SLC14A2: variants seen among roughly 807,000 people sequenced by gnomAD.
SLC14A2 encodes urea transporter 2.
In SLC14A2, 91 loss-of-function variants were observed where a neutral mutation model predicts 104.6. The observed-to-expected ratio is 0.87, with a 90% CI of 0.73 to 1.04. SLC14A2 has a LOEUF of 1.04. SLC14A2 is among the 50% of genes least tolerant of loss of function. The pLI, the probability that SLC14A2 is intolerant of heterozygous loss-of-function variation, is 0.00. For synonymous variants in SLC14A2, 476 were observed against 466.4 expected, an observed-to-expected ratio of 1.02 and a Z score of -0.27; for missense variants, 1,189 against 1,156.0, an observed-to-expected ratio of 1.03 and a Z score of -0.41.
At chr18:45,470,531 A>G (rs1482935216) in intron 1 of SLC14A2, among the ~76,000 whole-genome samples, 1 of 152,084 alleles carries the variant, frequency 6.6e-6, no homozygotes, top group Non-Finnish European at 1.5e-5. Context: ...ACTAACAGTT[A>G]TGGTTTGTTA....
At chr18:45,680,290 T>C (rs2046292922) in intron 19 of SLC14A2, among the ~76,000 whole-genome samples, 1 of 152,210 alleles carries the variant, frequency 6.6e-6, no homozygotes, top group African/African-American at 2.4e-5. Context: ...TTCCTGATCA[T>C]GGATGTTTAC....
chr18:45,288,937 C>T (rs202239582), intron 1 of SLC14A2, among the ~76,000 whole-genome samples: 3 of 152,316 alleles, frequency 2.0e-5, no homozygotes, highest in South Asian at 2.1e-4. Flanking sequence ...TCATGTTAAA[C>T]GTAAATGAAG....
upstream of SLC14A2, among the ~76,000 whole-genome samples, chr18:45,211,373 G>C (rs555405919): frequency 6.6e-6 from 1 of 152,190 alleles, no homozygotes; most frequent in East Asian, 1.9e-4. Context: ...AGACCAAACA[G>C]AAAACTGCAC....
chr18:45,406,616 C>T (rs1400040596), intron 1 of SLC14A2, among the ~76,000 whole-genome samples: 1 of 152,154 alleles, frequency 6.6e-6, no homozygotes, highest in Non-Finnish European at 1.5e-5. Context: ...GAAGCTATAG[C>T]TTTACCAAAC....
intron 1 of SLC14A2, among the ~76,000 whole-genome samples, chr18:45,229,673 T>TG (rs1173122400): frequency 6.6e-6 from 1 of 152,176 alleles, no homozygotes; most frequent in Non-Finnish European, 1.5e-5. Flanking sequence ...CAGCTCAAAC[T>TG]CTTCATCTTT....
At chr18:45,539,647 C>T (rs34954290) in intron 2 of SLC14A2, among the ~76,000 whole-genome samples, 31 of 152,236 alleles carry the variant, frequency 2.0e-4, no homozygotes, top group Non-Finnish European at 3.8e-4. Context: ...GCTGCCTCTT[C>T]CTGGGCCTGT....
intron 16 of SLC14A2, among the ~76,000 whole-genome samples, chr18:45,670,405 G>A (rs1210651823): frequency 6.6e-6 from 1 of 152,130 alleles, no homozygotes; most frequent in Non-Finnish European, 1.5e-5. Flanking sequence ...AACAAGGCAC[G>A]TTTTCTCCAA....
chr18:45,416,068 T>C (rs1468712124), intron 1 of SLC14A2, among the ~76,000 whole-genome samples: 3 of 152,148 alleles, frequency 2.0e-5, no homozygotes, highest in Non-Finnish European at 4.4e-5. Flanking sequence ...CCATAATGAT[T>C]ATCTTAAAAG....
intron 1 of SLC14A2, among the ~76,000 whole-genome samples, chr18:45,453,963 G>A (rs184084616): frequency 1.2e-4 from 18 of 146,626 alleles, no homozygotes; most frequent in South Asian, 4.4e-4. Context: ...GGGTTCAAGC[G>A]ATTCTTCTGC....
chr18:45,221,582 T>A (rs2084062730), intron 1 of SLC14A2, among the ~76,000 whole-genome samples: 1 of 151,956 alleles, frequency 6.6e-6, no homozygotes, highest in South Asian at 2.1e-4. Flanking sequence ...GAGGAGGAGG[T>A]GTTCTCCCAG....
At chr18:45,448,866 G>C (rs1431124329) in intron 1 of SLC14A2, among the ~76,000 whole-genome samples, 1 of 152,186 alleles carries the variant, frequency 6.6e-6, no homozygotes, top group Non-Finnish European at 1.5e-5. Context: ...CTAAAAGTAG[G>C]TACCCAGTAA....
chr18:45,280,970 T>C (rs1032584905), intron 1 of SLC14A2, among the ~76,000 whole-genome samples: 7 of 151,854 alleles, frequency 4.6e-5, no homozygotes, highest in African/African-American at 1.5e-4. Context: ...TGTCAATCTG[T>C]CACCGAGGTC....
the SLC14A2 span, among the ~76,000 whole-genome samples, chr18:45,171,045 TA>T: frequency 6.6e-6 from 1 of 152,118 alleles, no homozygotes. Context: ...AACAGAGATC[TA>T]TAGGATCTGG....
intron 2 of SLC14A2, among the ~76,000 whole-genome samples, chr18:45,607,265 C>T (rs1358562422): frequency 6.6e-6 from 1 of 152,112 alleles, no homozygotes; most frequent in African/African-American, 2.4e-5. Context: ...GATATTTATG[C>T]CCCATAAGAC....
At chr18:45,438,970 A>T (rs1256756894) in intron 1 of SLC14A2, among the ~76,000 whole-genome samples, 2 of 152,154 alleles carry the variant, frequency 1.3e-5, no homozygotes, top group African/African-American at 2.4e-5. Context: ...GTAAGAGAAG[A>T]CAGTGGCAGC....
chr18:45,663,010 T>C (rs569130382), intron 10 of SLC14A2, among the ~76,000 whole-genome samples: 3 of 152,344 alleles, frequency 2.0e-5, no homozygotes, highest in African/African-American at 4.8e-5. Flanking sequence ...GCTCTCCCAA[T>C]AGTGTGAAAA....
chr18:45,585,518 T>C (rs2044553351), intron 2 of SLC14A2, among the ~76,000 whole-genome samples: 1 of 152,180 alleles, frequency 6.6e-6, no homozygotes, highest in African/African-American at 2.4e-5. Flanking sequence ...AGATTATGTT[T>C]CCTATTAAGA....
the SLC14A2 span, among the ~76,000 whole-genome samples, chr18:45,201,418 A>G: frequency 6.6e-5 from 10 of 152,100 alleles, no homozygotes; most frequent in South Asian, 2.1e-4. Context: ...ACTCATTTAT[A>G]TCGGTATGGA....
intron 13 of SLC14A2, 28 bp from the exon 14 acceptor site, chr18:45,667,805 C>T (rs767006077): frequency 6.2e-7 from 1 of 1,602,014 alleles, no homozygotes; most frequent in Non-Finnish European, 8.6e-7. Flanking sequence ...TGAGCACTTG[C>T]CTACTTCCTG....
Sources: allele counts gnomAD v4.1 joint callset (sites outside exome capture counted in the v4.1 genomes callset), GRCh38; gene constraint gnomAD v4.1.1; transcripts MANE v1.5; gene names NCBI Gene and HGNC (gene_info 2026-07-23, HGNC 2026-07-21).